ITGA7: variants seen among roughly 807,000 people sequenced by gnomAD.
ITGA7 encodes integrin subunit alpha 7.
ITGA7 carries 84 observed loss-of-function variants against 131.6 expected under a neutral mutation model. That is an observed-to-expected ratio of 0.64 (90% CI 0.54 to 0.77). The LOEUF is 0.77. ITGA7 is among the 30% of genes least tolerant of loss of function. The pLI, the probability that ITGA7 is intolerant of heterozygous loss-of-function variation, is 0.00. For synonymous variants in ITGA7, 548 were observed against 600.7 expected (o/e 0.91, Z 1.28); for missense variants, 1,399 against 1,482.9 (o/e 0.94, Z 0.93).
rs1374260884 is a variant in ITGA7, at chr12:55,698,933, C to G, written c.791-16G>C. ...ATAGAGAAGCCTGGGGGAAGGGTGA[C>G]TTACCCCTAAGTCTTCACCCCAAGA... On this transcript the variant is annotated splice_polypyrimidine_tract_variant and intron_variant, in intron 5 of 24. Coordinates refer to ENST00000257879, the MANE Select transcript of ITGA7 (RefSeq NM_002206.3). 3.1e-6 allele frequency: 5 copies of G among 1,595,776 alleles called. No individual in the cohort carries two copies. Among genetic ancestry groups the G allele is most frequent in the African/African-American group, 2.7e-5 (2 of 74,542 alleles).
chr12:55,694,222 C>G lies in ITGA7; in HGVS notation c.2432+34G>C. 6.2e-7 allele frequency: 1 copy of G among 1,613,038 alleles called. No individual in the cohort carries two copies. Among genetic ancestry groups the G allele is most frequent in the East Asian group, 2.2e-5 (1 of 44,876 alleles). On this transcript the variant is annotated intron_variant, in intron 18 of 24. Transcript: ENST00000257879. This position sits in a 1 kb window ranked among gnomAD's most constrained non-coding sequence, Gnocchi z 5.3. ...GTTTGGAAATGTCAATGCCCCCTCC[C>G]TCCAATGGAGGTGCCCCCTTGGGCC...
chr12:55,713,594 A>T (rs1876290216), upstream of ITGA7, among the ~76,000 whole-genome samples: 1 of 152,246 alleles, frequency 6.6e-6, no homozygotes, highest in African/African-American at 2.4e-5. Flanking sequence ...TGTTCTAGGG[A>T]TTAAATGAAT....
chr12:55,701,435 C>T (rs373024965), intron 3 of ITGA7: 3 of 1,551,628 alleles, frequency 1.9e-6, no homozygotes, highest in African/African-American at 1.4e-5. Context: ...AGCCAAAAGA[C>T]ACAATTAAGC....
Position 55,693,124 on chromosome 12 carries a change from C to T in ITGA7, c.2712+17G>A. On this transcript the variant is annotated intron_variant, in intron 20 of 24. Coordinates refer to ENST00000257879, the MANE Select transcript of ITGA7 (RefSeq NM_002206.3). ...ATCTGTCCCCACATCTAACCCCCAC[C>T]CCCACCTAAGCCTCACCAGGTGGAG... 6.2e-7 allele frequency: 1 copy of T among 1,613,564 alleles called. No homozygotes were observed. Among genetic ancestry groups the T allele is most frequent in the African/African-American group, 1.3e-5 (1 of 75,028 alleles).
At chr12:55,695,451 C>A (rs1281085473) in intron 14 of ITGA7, 71 bp downstream of exon 14, 7 of 1,079,482 alleles carry the variant, frequency 6.5e-6, no homozygotes, top group Admixed American at 1.8e-5. Context: ...GACTGGTCCT[C>A]CTGAGAGGGC....
In ITGA7 at chr12:55,701,085, G is replaced by T. The variant is rs372389864; in HGVS notation, c.484C>A (p.Arg162Ser). 1.2e-6 allele frequency: 2 copies of T among 1,614,150 alleles called. No homozygotes were observed. The highest frequency in any genetic ancestry group is 1.3e-5 in the African/African-American group (1 of 75,034). Residue 162 changes from arginine (R) to serine (S), a missense_variant, in exon 4 of 25, where the codon CGC (arginine) becomes AGC (serine). Arg to Ser is a moderately radical substitution (Grantham distance 110, BLOSUM62 -1). Coordinates refer to ENST00000257879, the MANE Select transcript of ITGA7 (RefSeq NM_002206.3). ...QILETRDMIGRCFVLSQDLAI... is the reference protein window; with the variant it reads ...QILETRDMIGSCFVLSQDLAI... Reference sequence around the variant, plus strand: ...AGGTCCTGGCTGAGCACAAAGCAGCGACCAATCATATCCCGCGTCTCCAGG... The same window carrying T: ...AGGTCCTGGCTGAGCACAAAGCAGCTACCAATCATATCCCGCGTCTCCAGG...
chr12:55,700,079 T>A, intron 4 of ITGA7, 90 bp from the exon 5 acceptor site: 1 of 1,524,306 alleles, frequency 6.6e-7, no homozygotes, highest in African/African-American at 1.4e-5. Context: ...GGCCAGAAAA[T>A]GGTGGAAGAA....
chr12:55,686,223 A>G (rs1870099466), intron 24 of ITGA7: 7 of 1,350,392 alleles, frequency 5.2e-6, no homozygotes, highest in African/African-American at 1.5e-5. Context: ...TGGACCCCCA[A>G]CTTCCATGGC....
rs529653837 is a variant in ITGA7, at chr12:55,707,196, A to C, written c.206+281T>G. 4.6e-4 allele frequency among the ~76,000 whole-genome samples: 70 copies of C among 152,294 alleles called. 1 individual carries two copies. Among genetic ancestry groups the C allele is most frequent in the African/African-American group, 1.6e-3 (68 of 41,548 alleles). On this transcript the variant is annotated intron_variant, in intron 1 of 24. Coordinates refer to ENST00000257879, the MANE Select transcript of ITGA7 (RefSeq NM_002206.3). Reference sequence around the variant, plus strand: ...GGCCCTGGGGCTGGATCAAGGATGCAAGTTGGGGGAAAGGCCCAGAAGAAG... The same window carrying C: ...GGCCCTGGGGCTGGATCAAGGATGCCAGTTGGGGGAAAGGCCCAGAAGAAG...
chr12:55,712,054 T>C, upstream of ITGA7: 16 of 1,550,434 alleles, frequency 1.0e-5, no homozygotes, highest in Non-Finnish European at 1.4e-5. Flanking sequence ...ACTTTTTTAC[T>C]TCACTCACCT....
At chr12:55,716,136 A>G (rs769300107), upstream of ITGA7, 1 of 1,611,650 alleles carries the variant, frequency 6.2e-7, no homozygotes, top group Admixed American at 1.7e-5. Flanking sequence ...CGACGTGACC[A>G]TGCTGTCCCG....
At chr12:55,698,148 A>T in intron 7 of ITGA7, 122 bp from the exon 8 acceptor site, 1 of 994,724 alleles carries the variant, frequency 1.0e-6, no homozygotes, top group Non-Finnish European at 1.6e-6. Context: ...ACAAAATCCC[A>T]GGCACTCTAC....
chr12:55,697,328 C>T (rs768664851), intron 10 of ITGA7, 51 bp from the exon 11 acceptor site: 3 of 1,577,358 alleles, frequency 1.9e-6, no homozygotes, highest in Non-Finnish European at 2.6e-6. Context: ...TGGGCCAAGG[C>T]CCCTACCCCC....
chr12:55,700,090 G>A (rs1385885702), intron 4 of ITGA7, 101 bp from the exon 5 acceptor site: 2 of 1,492,534 alleles, frequency 1.3e-6, no homozygotes, highest in African/African-American at 2.8e-5. Context: ...GGTGGAAGAA[G>A]AAGAGGTGGA....
chr12:55,694,586 C>T lies in ITGA7; in HGVS notation c.2277+29G>A, dbSNP rs976637986. 2 of 1,613,296 alleles carry T rather than the reference C, an allele frequency of 1.2e-6. No individual in the cohort carries two copies. The highest frequency in any genetic ancestry group is 1.7e-6 in the Non-Finnish European group (2 of 1,179,266). On this transcript the variant is annotated intron_variant, in intron 16 of 24. Transcript: ENST00000257879. The surrounding 1 kb of genome is among the most constrained non-coding windows in gnomAD (Gnocchi z 5.3). ...TCTACGGGCTTATGGAGAGGCTACT[C>T]ACGTAGGGATAAGGGCAGATGTGCC...
At chr12:55,687,552 C>T (rs1218657621) in intron 24 of ITGA7, among the ~76,000 whole-genome samples, 9 of 136,256 alleles carry the variant, frequency 6.6e-5, no homozygotes, top group Admixed American at 4.2e-4. Flanking sequence ...AGTGCAATGG[C>T]GCCATCTCGG....
intron 24 of ITGA7, among the ~76,000 whole-genome samples, chr12:55,686,014 C>CACA (rs1870038135): frequency 6.6e-6 from 1 of 152,242 alleles, no homozygotes; most frequent in Non-Finnish European, 1.5e-5. Flanking sequence ...CCTTTGTGCA[C>CACA]GCCTCAGGCT....
At chr12:55,693,974 C>G in intron 19 of ITGA7, 47 bp downstream of exon 19, 2 of 1,466,178 alleles carry the variant, frequency 1.4e-6, no homozygotes, top group Non-Finnish European at 1.9e-6. Flanking sequence ...CTCCTCTGTG[C>G]CAAGGAGGGA....
Position 55,693,143 on chromosome 12 carries a change from G to A in ITGA7, c.2710C>T (p.Leu904=), listed in dbSNP as rs200149396. Residue 904 remains leucine, a splice_region_variant and synonymous_variant, in exon 20 of 25, where the codon CTG becomes TTG. Coordinates refer to ENST00000257879, the MANE Select transcript of ITGA7 (RefSeq NM_002206.3). ...LCSPRPNILH[L]DVDSRDRRRR... Reference sequence around the variant, plus strand: ...CCCCACCCCCACCTAAGCCTCACCAGGTGGAGGATGTTGGGCCTGGGAGAG... The same window carrying A: ...CCCCACCCCCACCTAAGCCTCACCAAGTGGAGGATGTTGGGCCTGGGAGAG... 804 of 1,613,748 alleles carry A rather than the reference G, an allele frequency of 5.0e-4. 8 individuals carry two copies. In the East Asian group the frequency reaches 0.016, roughly 33 times the overall value.
Sources: allele counts gnomAD v4.1 joint callset (sites outside exome capture counted in the v4.1 genomes callset), GRCh38; gene constraint gnomAD v4.1.1; non-coding constraint Gnocchi (gnomAD v3.1); transcripts MANE v1.5; gene names NCBI Gene and HGNC (gene_info 2026-07-23, HGNC 2026-07-21).